SKAP2: variants seen among roughly 807,000 people sequenced by gnomAD.
The protein encoded by SKAP2 is src kinase-associated phosphoprotein 2.
A neutral mutation model predicts 54.9 loss-of-function variants in SKAP2; 28 were observed. The observed-to-expected ratio is 0.51, with a 90% confidence interval of 0.38 to 0.70. SKAP2 has a LOEUF of 0.70. Among genes scored for constraint, SKAP2 ranks in the 30% least tolerant of loss-of-function variants. SKAP2 has a pLI of 0.00. For missense variants in SKAP2, 356 were observed against 424.1 expected, an observed-to-expected ratio of 0.84 and a Z score of 1.41; for synonymous variants, 137 against 134.3, an observed-to-expected ratio of 1.02 and a Z score of -0.14.
At chr7:26,670,024 G>A (rs1365206001) in intron 12 of SKAP2, 67 bp downstream of exon 12, 1 of 665,104 alleles carries the variant, frequency 1.5e-6, no homozygotes, top group Non-Finnish European at 2.8e-6. Context: ...AAAAGGCAAA[G>A]ACTCATAACG....
chr7:26,718,036 T>C (rs942956530), intron 9 of SKAP2, among the ~76,000 whole-genome samples: 16 of 151,850 alleles, frequency 1.1e-4, no homozygotes, highest in Non-Finnish European at 2.2e-4. Flanking sequence ...CATACATACA[T>C]ACATACATAC....
intron 4 of SKAP2, among the ~76,000 whole-genome samples, chr7:26,797,900 A>G (rs1783815715): frequency 6.6e-6 from 1 of 151,554 alleles, no homozygotes; most frequent in Non-Finnish European, 1.5e-5. Flanking sequence ...GAAGAATGCA[A>G]TTGGCATACT....
intron 4 of SKAP2, among the ~76,000 whole-genome samples, chr7:26,745,190 T>G (rs1782535877): frequency 6.6e-6 from 1 of 152,196 alleles, no homozygotes; most frequent in Admixed American, 6.5e-5. Context: ...CCGACTAAAG[T>G]TTCCTTTTCC....
intron 9 of SKAP2, among the ~76,000 whole-genome samples, chr7:26,718,071 T>C (rs1201680487): frequency 1.3e-5 from 2 of 151,688 alleles, no homozygotes; most frequent in Non-Finnish European, 2.9e-5. Flanking sequence ...AACATGGAGG[T>C]ATGGTAGTAA....
intron 4 of SKAP2, among the ~76,000 whole-genome samples, chr7:26,832,211 A>G (rs1784609679): frequency 6.6e-6 from 1 of 152,182 alleles, no homozygotes; most frequent in East Asian, 1.9e-4. Context: ...ACTATTAGAT[A>G]TGCATACCTT....
At chr7:26,757,009 C>T (rs565551492) in intron 4 of SKAP2, among the ~76,000 whole-genome samples, 1 of 152,224 alleles carries the variant, frequency 6.6e-6, no homozygotes, top group African/African-American at 2.4e-5. Context: ...TACCCTTCAC[C>T]CACTTTTTGA....
intron 4 of SKAP2, among the ~76,000 whole-genome samples, chr7:26,749,794 T>G (rs1463208720): frequency 2.0e-5 from 3 of 150,872 alleles, no homozygotes; most frequent in Non-Finnish European, 4.4e-5. Flanking sequence ...TAGGTCCTAC[T>G]TCTTTCTTCC....
rs562936800 is a variant in SKAP2 at position 26,774,786 on chromosome 7, C to A, written c.308-34822G>T. Among the ~76,000 whole-genome samples, 4 of 152,206 alleles carry A rather than the reference C, an allele frequency of 2.6e-5. No homozygotes were observed. In the South Asian group the frequency reaches 6.2e-4, roughly 24 times the overall value. ...CTAGGTCAGAGAGATGTGGATAACACCAATAATCTAGATAGACTTTTTTTA... is the reference window on the plus strand; with the variant it reads ...CTAGGTCAGAGAGATGTGGATAACAACAATAATCTAGATAGACTTTTTTTA... On this transcript the variant is annotated intron_variant, in intron 4 of 12. Coordinates refer to ENST00000345317, the MANE Select transcript of SKAP2 (RefSeq NM_003930.5).
intron 9 of SKAP2, among the ~76,000 whole-genome samples, chr7:26,722,855 T>C (rs926163464): frequency 1.3e-5 from 2 of 152,236 alleles, no homozygotes; most frequent in Admixed American, 6.5e-5. Context: ...AGTAGCATAA[T>C]AAATGCTTAG....
intron 6 of SKAP2, among the ~76,000 whole-genome samples, chr7:26,731,474 C>T (rs1017542081): frequency 1.3e-5 from 2 of 152,192 alleles, no homozygotes; most frequent in African/African-American, 2.4e-5. Context: ...TCTCTTCTTA[C>T]ATTACACTCT....
At chr7:26,752,670 G>C (rs776420782) in intron 4 of SKAP2, among the ~76,000 whole-genome samples, 2 of 152,158 alleles carry the variant, frequency 1.3e-5, no homozygotes, top group Non-Finnish European at 2.9e-5. Context: ...TGCTGCTTAA[G>C]TCAAGAGCCA....
chr7:26,822,078 C>T (rs141939820), intron 4 of SKAP2, among the ~76,000 whole-genome samples: 2 of 152,252 alleles, frequency 1.3e-5, no homozygotes, highest in East Asian at 3.9e-4. Flanking sequence ...TAGCTTCATC[C>T]ATTATCACCT....
intron 4 of SKAP2, among the ~76,000 whole-genome samples, chr7:26,831,922 T>C (rs1364779498): frequency 6.6e-6 from 1 of 152,170 alleles, no homozygotes; most frequent in Non-Finnish European, 1.5e-5. Context: ...CTCAGTCATG[T>C]TAGTCTTTCC....
intron 1 of SKAP2, 103 bp downstream of exon 1, chr7:26,864,260 C>A (rs1785327555): frequency 7.1e-7 from 1 of 1,404,722 alleles, no homozygotes; most frequent in South Asian, 1.2e-5. Context: ...ACGTGGGAAG[C>A]GCGGGGAGGG....
chr7:26,738,929 A>T (rs1236748098), intron 5 of SKAP2, 51 bp from the exon 6 acceptor site: 1 of 1,026,684 alleles, frequency 9.7e-7, no homozygotes, highest in Admixed American at 1.7e-5. Flanking sequence ...GTAAAAGAAA[A>T]AGTTAATTAA....
intron 11 of SKAP2, among the ~76,000 whole-genome samples, chr7:26,680,061 T>C (rs1035969341): frequency 6.6e-6 from 1 of 152,262 alleles, no homozygotes; most frequent in Admixed American, 6.5e-5. Context: ...AATTCTTAAC[T>C]CTCATTTTTC....
At chr7:26,739,024 ACAAAC>A in intron 5 of SKAP2, 146 bp from the exon 6 acceptor site, 4 of 632,376 alleles carry the variant, frequency 6.3e-6, no homozygotes, top group Non-Finnish European at 1.1e-5. Context: ...CCAAACAACA[ACAAAC>A]CAACACAGCT....
intron 4 of SKAP2, among the ~76,000 whole-genome samples, chr7:26,808,529 ATTATGAAAACG>A (rs199659837): frequency 0.012 from 1,836 of 152,332 alleles, 19 homozygotes; most frequent in Middle Eastern, 0.031. Flanking sequence ...TGATGAAAAC[ATTATGAAAACG>A]GTGATTGGTG....
chr7:26,822,052 T>A (rs976690136), intron 4 of SKAP2, among the ~76,000 whole-genome samples: 1 of 94,566 alleles, frequency 1.1e-5, no homozygotes, highest in East Asian at 2.4e-4. Flanking sequence ...ATCTTTATTC[T>A]TTATTTCTGT....
Sources: gnomAD v4.1 joint callset for allele counts (sites outside exome capture counted in the v4.1 genomes callset) on GRCh38, gnomAD v4.1.1 for gene constraint, MANE v1.5 for transcripts, NCBI Gene and HGNC (gene_info 2026-07-23, HGNC 2026-07-21) for gene names.